Variants in DIPK1C observed in about 807,000 individuals in gnomAD.
The protein encoded by DIPK1C is divergent protein kinase domain 1C.
DIPK1C carries 33 observed loss-of-function variants against 28.0 expected under a neutral mutation model. The ratio of observed to expected loss-of-function variants is 1.18; its 90% CI spans 0.89 to 1.58. DIPK1C has a LOEUF of 1.58. Ranked by LOEUF, DIPK1C falls within the 40% of genes most tolerant of loss-of-function variation. DIPK1C has a pLI of 0.00. For missense variants in DIPK1C, 569 were observed against 568.5 expected (o/e 1.00, Z -0.01); for synonymous variants, 255 against 248.8 (o/e 1.02, Z -0.23).
At chr18:74,437,935 A>C (rs1986035158) in intron 3 of DIPK1C, among the ~76,000 whole-genome samples, 1 of 152,212 alleles carries the variant, frequency 6.6e-6, no homozygotes, top group Non-Finnish European at 1.5e-5. Context: ...TCTGTGACCC[A>C]GGCTGGAGTG....
chr18:74,448,865 T>G (rs966754361), intron 1 of DIPK1C, among the ~76,000 whole-genome samples: 3 of 152,128 alleles, frequency 2.0e-5, no homozygotes, highest in African/African-American at 7.2e-5. Flanking sequence ...CCCCAGCACT[T>G]TGGGAGGCCG....
upstream of DIPK1C, among the ~76,000 whole-genome samples, chr18:74,459,093 AC>A (rs1378784475): frequency 6.6e-6 from 1 of 152,174 alleles, no homozygotes; most frequent in Non-Finnish European, 1.5e-5. Flanking sequence ...ACAGAACGAG[AC>A]CCTGTACCTA....
chr18:74,444,985 C>A (rs1263652673), intron 2 of DIPK1C, among the ~76,000 whole-genome samples: 3 of 152,262 alleles, frequency 2.0e-5, no homozygotes, highest in Non-Finnish European at 2.9e-5. Flanking sequence ...GCCCACTCGG[C>A]ATCACAGACC....
intron 2 of DIPK1C, among the ~76,000 whole-genome samples, chr18:74,443,753 T>G (rs1483364428): frequency 6.6e-6 from 1 of 152,224 alleles, no homozygotes; most frequent in Non-Finnish European, 1.5e-5. Flanking sequence ...CATTATTTAC[T>G]CTGGTTAATA....
At chr18:74,437,750 C>T (rs1021388495) in intron 3 of DIPK1C, among the ~76,000 whole-genome samples, 3 of 152,174 alleles carry the variant, frequency 2.0e-5, no homozygotes, top group East Asian at 1.9e-4. Context: ...CACCTCACCC[C>T]GATGCTCAGC....
At chr18:74,450,602 CTCA>C (rs1036854762) in intron 1 of DIPK1C, among the ~76,000 whole-genome samples, 27 of 152,206 alleles carry the variant, frequency 1.8e-4, no homozygotes, top group African/African-American at 6.3e-4. Flanking sequence ...CCTCACCCCT[CTCA>C]TCTGAACTGT....
At position 74,446,743 on chromosome 18, in the gene DIPK1C, C is replaced by T. The variant is rs1354755949; in HGVS notation, c.739G>A (p.Gly247Ser). 1 of 1,535,632 alleles carries T rather than the reference C, an allele frequency of 6.5e-7. No individual in the cohort carries two copies. The highest frequency in any genetic ancestry group is 1.4e-5 in the African/African-American group (1 of 72,420). The stretch of plus-strand genomic sequence containing the variant: ...TCACTGATGGCCTTGGCCTGGCCAC[C>T]CCCAGGGGCACCTGGGGCCCGGTCC... Reference protein sequence around the residue: ...PLDRAPGAPGGGQAKAISDIA... With the variant: ...PLDRAPGAPGSGQAKAISDIA... The change falls in exon 2 of 4, where the codon GGT becomes AGT. Residue 247 changes from glycine (G) to serine (S), a missense_variant. Gly to Ser is a moderately conservative substitution (Grantham distance 56). Coordinates refer to ENST00000343998, the MANE Select transcript of DIPK1C (RefSeq NM_001044369.3).
At chr18:74,439,910 G>A (rs1986080354) in intron 3 of DIPK1C, among the ~76,000 whole-genome samples, 1 of 150,684 alleles carries the variant, frequency 6.6e-6, no homozygotes, top group Admixed American at 6.6e-5. Flanking sequence ...ATAAATACTT[G>A]CTTTTGACAT....
chr18:74,446,303 G>T (rs1210889779), intron 2 of DIPK1C, among the ~76,000 whole-genome samples: 1 of 152,194 alleles, frequency 6.6e-6, no homozygotes, highest in Non-Finnish European at 1.5e-5. Flanking sequence ...TTGCTGTTAC[G>T]TGAGCTCAAA....
intron 3 of DIPK1C, among the ~76,000 whole-genome samples, chr18:74,438,090 C>T (rs564729684): frequency 1.3e-5 from 2 of 152,248 alleles, no homozygotes; most frequent in East Asian, 3.9e-4. Context: ...CAGGGTTTTG[C>T]CATGTTGCCA....
intron 2 of DIPK1C, among the ~76,000 whole-genome samples, chr18:74,444,050 A>G (rs1458565061): frequency 4.6e-5 from 7 of 152,122 alleles, no homozygotes; most frequent in Non-Finnish European, 1.0e-4. Context: ...CAGTATTAAA[A>G]AAAAAAACAG....
intron 3 of DIPK1C, 35 bp downstream of exon 3, chr18:74,441,917 C>T: frequency 6.3e-7 from 1 of 1,599,072 alleles, no homozygotes; most frequent in South Asian, 1.1e-5. Flanking sequence ...CCAAAGAGCA[C>T]CCTCTCCTCC....
At position 74,447,415 on chromosome 18, in the gene DIPK1C, C is replaced by A. The variant is rs548274506; in HGVS notation, c.199-132G>T. Reference sequence around the variant, plus strand: ...ATAATCCAGCTGTGCAGAGAAACCTCAGCCCTGTGGATCTCAGAGGCCACT... The same window carrying A: ...ATAATCCAGCTGTGCAGAGAAACCTAAGCCCTGTGGATCTCAGAGGCCACT... On this transcript the variant is annotated intron_variant, in intron 1 of 3. Coordinates refer to ENST00000343998, the MANE Select transcript of DIPK1C (RefSeq NM_001044369.3). The surrounding 1 kb of genome is among the most constrained non-coding windows in gnomAD (Gnocchi z 4.1). 72 of 951,198 alleles carry A rather than the reference C, an allele frequency of 7.6e-5. No individual in the cohort carries two copies. The highest frequency in any genetic ancestry group is 1.1e-4 in the Non-Finnish European group (71 of 661,292). The allele number at this position is 951,198 out of a possible 1,614,324, so 58.9% of individuals were successfully genotyped here. A position where few individuals can be genotyped will look rare whatever the true frequency, so the allele number is the denominator to read the frequency against.
chr18:74,449,926 G>T (rs1332458943), intron 1 of DIPK1C, among the ~76,000 whole-genome samples: 1 of 152,216 alleles, frequency 6.6e-6, no homozygotes, highest in Non-Finnish European at 1.5e-5. Flanking sequence ...CATGAAAGGT[G>T]CATGGGAGGA....
At position 74,447,003 on chromosome 18, in the gene DIPK1C, C is replaced by A. The variant is rs1317985716; in HGVS notation, c.479G>T (p.Gly160Val). Residue 160 changes from glycine to valine, a missense_variant, in exon 2 of 4, where the codon GGC becomes GTC. Gly to Val is a moderately radical substitution (Grantham distance 109). Coordinates refer to ENST00000343998, the MANE Select transcript of DIPK1C (RefSeq NM_001044369.3). This position sits in a 1 kb window ranked among gnomAD's most constrained non-coding sequence, Gnocchi z 4.1. ...MVAGEVKSAL[G>V]LELSNSSLGP... is the part of the protein sequence containing the mutation. ...CAGGCTGCTGTTGGACAACTCCAGG[C>A]CCAGAGCGCTCTTGACCTCCCCAGC... 2.0e-6 allele frequency: 3 copies of A among 1,537,856 alleles called. No individual in the cohort carries two copies. The highest frequency in any genetic ancestry group is 1.8e-6 in the Non-Finnish European group (2 of 1,138,678).
intron 3 of DIPK1C, among the ~76,000 whole-genome samples, chr18:74,438,866 G>A (rs150844725): frequency 4.5e-4 from 69 of 152,184 alleles, no homozygotes; most frequent in Non-Finnish European, 7.7e-4. Flanking sequence ...TGAGGCATAG[G>A]GGGGCTTGGT....
At chr18:74,457,377 G>T (rs974362424), upstream of DIPK1C, 26 of 759,750 alleles carry the variant, frequency 3.4e-5, no homozygotes, top group Admixed American at 6.3e-5. Flanking sequence ...GAGGGGCCGC[G>T]CGAGGGTTGG....
chr18:74,454,492 A>C (rs1398193759), intron 1 of DIPK1C, among the ~76,000 whole-genome samples: 2 of 152,238 alleles, frequency 1.3e-5, no homozygotes, highest in African/African-American at 4.8e-5. Flanking sequence ...AATCCACCAC[A>C]ACTCCCTGGG....
chr18:74,457,526 T>C (rs942062216), upstream of DIPK1C, among the ~76,000 whole-genome samples: 26 of 152,216 alleles, frequency 1.7e-4, no homozygotes, highest in African/African-American at 6.0e-4. Flanking sequence ...TGCACTTTTT[T>C]CCCCCAAGAA....
Sources: gnomAD v4.1 joint callset for allele counts (sites outside exome capture counted in the v4.1 genomes callset) on GRCh38, gnomAD v4.1.1 for gene constraint, Gnocchi (gnomAD v3.1) non-coding constraint, MANE v1.5 for transcripts, NCBI Gene and HGNC (gene_info 2026-07-23, HGNC 2026-07-21) for gene names.